The following BRD8 variants were observed in gnomAD, a reference collection of about 807,000 sequenced individuals.
BRD8 encodes bromodomain containing 8, also known as bromodomain-containing protein 8.
A neutral mutation model predicts 143.1 loss-of-function variants in BRD8; 67 were observed. The ratio of observed to expected loss-of-function variants is 0.47; its 90% CI spans 0.38 to 0.57. The LOEUF (loss-of-function observed/expected upper bound fraction) is 0.57, where lower values mean the gene tolerates loss of function less well. BRD8 is among the 20% of genes least tolerant of loss of function. BRD8 has a pLI of 0.00. For missense variants in BRD8, 1,103 were observed against 1,503.0 expected, an observed-to-expected ratio of 0.73 and a Z score of 4.40; for synonymous variants, 505 against 517.1, an observed-to-expected ratio of 0.98 and a Z score of 0.32.
chr5:138,156,308 T>C (rs1480931310), intron 20 of BRD8, among the ~76,000 whole-genome samples: 1 of 151,878 alleles, frequency 6.6e-6, no homozygotes, highest in Non-Finnish European at 1.5e-5. Context: ...CCCAGCTAAT[T>C]TTTGTATTTT....
intron 2 of BRD8, among the ~76,000 whole-genome samples, chr5:138,174,489 G>A (rs1290503394): frequency 4.6e-5 from 7 of 151,882 alleles, no homozygotes; most frequent in East Asian, 3.9e-4. Context: ...CCAGCTACAC[G>A]GGAGGCTGAG....
At chr5:138,144,289 A>T (rs992547373) in intron 25 of BRD8, among the ~76,000 whole-genome samples, 8 of 152,172 alleles carry the variant, frequency 5.3e-5, no homozygotes, top group African/African-American at 1.7e-4. Flanking sequence ...GAACTCAGCG[A>T]GACCACAAAC....
chr5:138,170,776 A>AG, intron 6 of BRD8, 56 bp downstream of exon 6: 1 of 1,457,776 alleles, frequency 6.9e-7, no homozygotes, highest in East Asian at 2.3e-5. Flanking sequence ...AGATTACTTG[A>AG]GGGGAAAAGA....
In BRD8 at chr5:138,145,163, C is replaced by T; in HGVS notation, c.3437+14G>A. The T allele has an allele frequency of 6.2e-7, 1 of 1,607,328 alleles. No individual in the cohort carries two copies. The highest frequency in any genetic ancestry group is 8.5e-7 in the Non-Finnish European group (1 of 1,178,034). On this transcript the variant is annotated intron_variant, in intron 25 of 26. Transcript: ENST00000254900. The stretch of plus-strand genomic sequence containing the variant: ...TAAAAGCAACCAACCTTTCTTGACC[C>T]CTTTTTCACTGACCTTTTCACCACA...
At chr5:138,169,873 C>G (rs1360175904) in intron 7 of BRD8, among the ~76,000 whole-genome samples, 1 of 152,168 alleles carries the variant, frequency 6.6e-6, no homozygotes, top group African/African-American at 2.4e-5. Flanking sequence ...GCAGGAGAAT[C>G]ACTTGAACCC....
At chr5:138,155,958 T>C (rs1385426899) in intron 20 of BRD8, among the ~76,000 whole-genome samples, 2 of 150,580 alleles carry the variant, frequency 1.3e-5, no homozygotes. Flanking sequence ...ATTGCCAACT[T>C]TGAATTCCGT....
intron 20 of BRD8, among the ~76,000 whole-genome samples, chr5:138,158,516 G>A (rs1752758150): frequency 6.7e-6 from 1 of 150,340 alleles, no homozygotes; most frequent in Non-Finnish European, 1.5e-5. Context: ...TCAGCTCACG[G>A]CAACCTCCGC....
At chr5:138,161,670 T>A (rs1188064516) in intron 17 of BRD8, 126 bp downstream of exon 17, 8 of 843,442 alleles carry the variant, frequency 9.5e-6, no homozygotes, top group Non-Finnish European at 1.5e-5. Flanking sequence ...AGTTTAGCAC[T>A]CAGTGCCCCT....
chr5:138,158,334 A>G (rs1752740822), intron 20 of BRD8, among the ~76,000 whole-genome samples: 1 of 152,258 alleles, frequency 6.6e-6, no homozygotes, highest in East Asian at 1.9e-4. Flanking sequence ...ACACAGAGTC[A>G]GAGCCAGTTA....
At chr5:138,171,005 T>C (rs758779013) in intron 5 of BRD8, 33 bp downstream of exon 5, 1 of 1,611,782 alleles carries the variant, frequency 6.2e-7, no homozygotes. Context: ...CTTATGTCTT[T>C]CTCAATTTTT....
intron 2 of BRD8, among the ~76,000 whole-genome samples, chr5:138,175,791 G>A (rs1172356676): frequency 6.7e-6 from 1 of 149,288 alleles, no homozygotes; most frequent in East Asian, 2.0e-4. Flanking sequence ...GCATGTGCCT[G>A]TAGTCCCGGC....
intron 2 of BRD8, among the ~76,000 whole-genome samples, chr5:138,174,084 C>G (rs1014213571): frequency 3.9e-5 from 6 of 152,214 alleles, no homozygotes; most frequent in African/African-American, 1.4e-4. Context: ...ACTTTACATA[C>G]TATCCTCCAG....
intron 7 of BRD8, 22 bp downstream of exon 7, chr5:138,170,323 A>G (rs1256144406): frequency 6.7e-7 from 1 of 1,490,458 alleles, no homozygotes; most frequent in South Asian, 1.1e-5. Context: ...ATTGCTAAAG[A>G]GGCATACTAG....
At chr5:138,152,809 C>A in intron 20 of BRD8, 49 bp from the exon 21 acceptor site, 2 of 1,568,814 alleles carry the variant, frequency 1.3e-6, no homozygotes, top group Non-Finnish European at 1.7e-6. Context: ...AATAAATATT[C>A]CTGAGGCATC....
chr5:138,164,757 A>T lies in BRD8; in HGVS notation c.1688T>A (p.Ile563Asn), dbSNP rs1173898646. The T allele has an allele frequency of 1.9e-6, 3 of 1,614,060 alleles. No individual in the cohort carries two copies. The highest frequency in any genetic ancestry group is 2.5e-6 in the Non-Finnish European group (3 of 1,180,042). The change falls in exon 12 of 27, where the codon ATT becomes AAT. Residue 563 changes from isoleucine (I) to asparagine (N), a missense_variant. Ile to Asn is a moderately radical substitution (Grantham distance 149). Coordinates refer to ENST00000254900, the MANE Select transcript of BRD8 (RefSeq NM_139199.2). ...AAGTGGAGTCTCATCGCCTTTCCCA[A>T]TGGCAACATCTGCTTCAACAATCTC... ...AGEIVEADVA[I>N]GKGDETPLTN... is the part of the protein sequence containing the mutation.
chr5:138,177,686 A>T lies in BRD8; in HGVS notation c.20-19T>A. 3 of 1,521,620 alleles carry T rather than the reference A, an allele frequency of 2.0e-6. No individual in the cohort carries two copies. The highest frequency in any genetic ancestry group is 2.7e-6 in the Non-Finnish European group (3 of 1,113,726). The allele number at this position is 1,521,620 out of a possible 1,614,324, so 94.3% of individuals were successfully genotyped here. A position where few individuals can be genotyped will look rare whatever the true frequency, so the allele number is the denominator to read the frequency against. On this transcript the variant is annotated intron_variant, in intron 1 of 26. Transcript: ENST00000254900. ...TTGTGTTCTGGGAAAGGGAGAAAAA[A>T]AAAAAAGCCTTGGAAACAACCACTG...
chr5:138,142,563 G>C (rs1322712740), intron 25 of BRD8, among the ~76,000 whole-genome samples: 1 of 151,808 alleles, frequency 6.6e-6, no homozygotes, highest in Non-Finnish European at 1.5e-5. Context: ...AAGAGATTGA[G>C]ACCATCCTGG....
At chr5:138,154,625 C>A (rs1303472382) in intron 20 of BRD8, among the ~76,000 whole-genome samples, 8 of 152,302 alleles carry the variant, frequency 5.3e-5, no homozygotes, top group African/African-American at 1.9e-4. Flanking sequence ...AAGACTGTAT[C>A]TTCTCTTCCT....
intron 6 of BRD8, 31 bp downstream of exon 6, chr5:138,170,801 A>C (rs772310277): frequency 1.5e-5 from 24 of 1,575,502 alleles, no homozygotes; most frequent in East Asian, 2.2e-5. Context: ...AAAAAGAAAG[A>C]AGCACAGAAG....
Sources: gnomAD v4.1 joint callset for allele counts (sites outside exome capture counted in the v4.1 genomes callset) on GRCh38, gnomAD v4.1.1 for gene constraint, MANE v1.5 for transcripts, NCBI Gene and HGNC (gene_info 2026-07-23, HGNC 2026-07-21) for gene names.